AP3B1: variants seen among roughly 807,000 people sequenced by gnomAD.
AP3B1 encodes AP-3 complex subunit beta-1.
A neutral mutation model predicts 132.5 loss-of-function variants in AP3B1; 61 were observed. The observed-to-expected ratio is 0.46, with a 90% CI of 0.37 to 0.57. The LOEUF (loss-of-function observed/expected upper bound fraction) is 0.57, where lower values mean the gene tolerates loss of function less well. Ranked by LOEUF, AP3B1 falls within the 20% of genes least tolerant of loss-of-function variation. The pLI, the probability that AP3B1 is intolerant of heterozygous loss-of-function variation, is 0.00. For synonymous variants in AP3B1, 388 were observed against 438.3 expected (o/e 0.89, Z 1.43); for missense variants, 1,120 against 1,289.4 (o/e 0.87, Z 2.01).
At chr5:78,129,380 TA>T (rs1752598957) in intron 15 of AP3B1, 73 bp from the exon 16 acceptor site, 2 of 1,243,284 alleles carry the variant, frequency 1.6e-6, no homozygotes, top group East Asian at 4.7e-5. Flanking sequence ...TAAACATATT[TA>T]AAGAGGTAAT....
At chr5:78,220,932 C>T (rs1746153351) in intron 6 of AP3B1, among the ~76,000 whole-genome samples, 1 of 151,938 alleles carries the variant, frequency 6.6e-6, no homozygotes, top group South Asian at 2.1e-4. Context: ...GTCTATAGTC[C>T]CATTTACTCA....
At chr5:78,261,259 C>A (rs1296514563) in intron 2 of AP3B1, among the ~76,000 whole-genome samples, 11 of 152,210 alleles carry the variant, frequency 7.2e-5, no homozygotes, top group Non-Finnish European at 1.3e-4. Flanking sequence ...TCTCTACCCT[C>A]ACCAACACTT....
chr5:78,116,262 A>C, intron 17 of AP3B1, 28 bp from the exon 18 acceptor site: 1 of 1,550,752 alleles, frequency 6.4e-7, no homozygotes, highest in Non-Finnish European at 8.9e-7. Flanking sequence ...GTAAATATAA[A>C]TGAATTCTCA....
At chr5:78,142,784 T>G (rs1005131854) in intron 14 of AP3B1, among the ~76,000 whole-genome samples, 2 of 152,170 alleles carry the variant, frequency 1.3e-5, no homozygotes, top group Non-Finnish European at 2.9e-5. Flanking sequence ...GAAATCCATA[T>G]ACTTGTGCAA....
At chr5:78,146,409 C>T (rs546836670) in intron 14 of AP3B1, among the ~76,000 whole-genome samples, 7 of 152,210 alleles carry the variant, frequency 4.6e-5, no homozygotes, top group Non-Finnish European at 1.0e-4. Context: ...TGAGCAGTAA[C>T]AACTAATTAT....
intron 25 of AP3B1, among the ~76,000 whole-genome samples, chr5:78,016,278 AT>A (rs1359203305): frequency 6.6e-6 from 1 of 152,138 alleles, no homozygotes; most frequent in Non-Finnish European, 1.5e-5. Context: ...AAGCAAAAGC[AT>A]GAAAAAAACC....
intron 13 of AP3B1, among the ~76,000 whole-genome samples, chr5:78,158,141 T>G (rs1743231834): frequency 6.6e-6 from 1 of 152,222 alleles, no homozygotes; most frequent in South Asian, 2.1e-4. Flanking sequence ...TATATGTATT[T>G]CAAACTGTTT....
intron 24 of AP3B1, among the ~76,000 whole-genome samples, chr5:78,032,234 T>C (rs1466309903): frequency 6.6e-6 from 1 of 152,226 alleles, no homozygotes; most frequent in Non-Finnish European, 1.5e-5. Context: ...CTCTATTCTT[T>C]TTATTCTAAC....
chr5:78,253,015 C>A (rs1016245705), intron 2 of AP3B1, among the ~76,000 whole-genome samples: 1 of 152,056 alleles, frequency 6.6e-6, no homozygotes, highest in African/African-American at 2.4e-5. Flanking sequence ...CTTTATCTGG[C>A]TCAAAACAGA....
chr5:78,091,720 G>A (rs941503895), intron 21 of AP3B1, among the ~76,000 whole-genome samples: 1 of 152,156 alleles, frequency 6.6e-6, no homozygotes, highest in Non-Finnish European at 1.5e-5. Context: ...AAGGGGACTG[G>A]ATTTATCCTA....
chr5:78,183,346 G>A (rs548365308), intron 7 of AP3B1, among the ~76,000 whole-genome samples: 5 of 152,182 alleles, frequency 3.3e-5, no homozygotes, highest in Non-Finnish European at 7.4e-5. Flanking sequence ...AAAATATCCA[G>A]TCTCAAAGTA....
At position 78,097,585 on chromosome 5, in the gene AP3B1, C is replaced by A. The variant is rs4704483; in HGVS notation, c.2470+3368G>T. ...GGGGTCAGCCCCCCGCCCGGCCAGCCGCCCCGTCCGGGAGGGAGGTGGGGG... is the reference window on the plus strand; with the variant it reads ...GGGGTCAGCCCCCCGCCCGGCCAGCAGCCCCGTCCGGGAGGGAGGTGGGGG... On this transcript the variant is annotated intron_variant, in intron 21 of 26. Coordinates refer to ENST00000255194, the MANE Select transcript of AP3B1 (RefSeq NM_003664.5). Among the ~76,000 whole-genome samples the A allele has an allele frequency of 5.9e-3, 489 of 82,896 alleles. 82 individuals carry two copies. The highest frequency in any genetic ancestry group is 0.025 in the Admixed American group (183 of 7,268). The allele number at this position is 82,896 out of a possible 152,430, so 54.4% of individuals were successfully genotyped here.
At position 78,202,642 on chromosome 5, in the gene AP3B1, A is replaced by T. The variant is rs909728817; in HGVS notation, c.786+13413T>A. Among the ~76,000 whole-genome samples, 3 of 151,568 alleles carry T rather than the reference A, an allele frequency of 2.0e-5. No homozygotes were observed. In the Admixed American group the frequency reaches 2.0e-4, roughly 10 times the overall value. Reference sequence around the variant, plus strand: ...CTCAAATCCTTTACTTTTTGAATACAACACTATAATGAAAAAAATTAAAAC... The same window carrying T: ...CTCAAATCCTTTACTTTTTGAATACTACACTATAATGAAAAAAATTAAAAC... On this transcript the variant is annotated intron_variant, in intron 7 of 26. Coordinates refer to ENST00000255194, the MANE Select transcript of AP3B1 (RefSeq NM_003664.5).
At chr5:78,274,237 G>A (rs1454146620) in intron 1 of AP3B1, among the ~76,000 whole-genome samples, 1 of 151,722 alleles carries the variant, frequency 6.6e-6, no homozygotes, top group Non-Finnish European at 1.5e-5. Flanking sequence ...GAAAAGTATA[G>A]TATATGAAAT....
chr5:78,223,746 T>G (rs1032696490), intron 6 of AP3B1, among the ~76,000 whole-genome samples: 1 of 152,184 alleles, frequency 6.6e-6, no homozygotes, highest in Non-Finnish European at 1.5e-5. Flanking sequence ...AATTAGATAT[T>G]ATAAACCCTA....
intron 7 of AP3B1, among the ~76,000 whole-genome samples, chr5:78,209,611 C>T (rs757541265): frequency 1.3e-5 from 2 of 152,054 alleles, no homozygotes; most frequent in Non-Finnish European, 2.9e-5. Context: ...CTATAGCAAC[C>T]ATGGGCACAT....
At chr5:78,260,360 G>GCAGATCACCAGAGGT (rs528950515) in intron 2 of AP3B1, among the ~76,000 whole-genome samples, 10 of 152,230 alleles carry the variant, frequency 6.6e-5, no homozygotes, top group Admixed American at 6.5e-4. Context: ...GCCGAGGAGG[G>GCAGATCACCAGAGGT]CAGATCACCA....
At chr5:78,225,455 T>C (rs1355592546) in intron 6 of AP3B1, 87 bp downstream of exon 6, 2 of 746,940 alleles carry the variant, frequency 2.7e-6, no homozygotes, top group Non-Finnish European at 4.3e-6. Context: ...AATCAATAAA[T>C]ACAACTATAT....
At chr5:78,111,734 C>T (rs1239253205) in intron 19 of AP3B1, among the ~76,000 whole-genome samples, 2 of 152,176 alleles carry the variant, frequency 1.3e-5, no homozygotes, top group Admixed American at 1.3e-4. Flanking sequence ...CTAGTTCTCT[C>T]TACCACATGT....
Sources: allele counts gnomAD v4.1 joint callset (sites outside exome capture counted in the v4.1 genomes callset), GRCh38; gene constraint gnomAD v4.1.1; transcripts MANE v1.5; gene names NCBI Gene and HGNC (gene_info 2026-07-23, HGNC 2026-07-21).